C2: variants seen among roughly 807,000 people sequenced by gnomAD.
C2 encodes C3/C5 convertase.
Under a neutral mutation model 85.2 loss-of-function variants are expected in C2, and 64 were observed. That is an observed-to-expected ratio of 0.75 (90% confidence interval 0.61 to 0.92). The LOEUF is 0.92. Ranked by LOEUF, C2 falls within the 40% of genes least tolerant of loss-of-function variation. The probability of loss-of-function intolerance (pLI) is 0.00; values close to 1 mark genes in which losing one functional copy is unlikely to be tolerated. For missense variants in C2, 820 were observed against 971.6 expected (o/e 0.84, Z 2.07); for synonymous variants, 311 against 370.8 (o/e 0.84, Z 1.85).
upstream of C2, among the ~76,000 whole-genome samples, chr6:31,898,423 G>C (rs1766872414): frequency 1.3e-5 from 2 of 152,152 alleles, no homozygotes; most frequent in Admixed American, 1.3e-4. Flanking sequence ...CACCAAGATA[G>C]ACAATCTCGA....
At position 31,937,311 on chromosome 6, in the gene C2, T is replaced by A. The variant is rs1420053181; in HGVS notation, c.989-8T>A. ...TCTAAGAGAGTCCTTCCTTTTGGCA[T>A]ATTCCAGATCATGAAAATGGAACTG... On this transcript the variant is annotated splice_region_variant and splice_polypyrimidine_tract_variant and intron_variant, in intron 7 of 17. Coordinates refer to ENST00000299367, the MANE Select transcript of C2 (RefSeq NM_000063.6). The A allele has an allele frequency of 1.9e-6, 3 of 1,612,718 alleles. No individual in the cohort carries two copies. The African/African-American group carries it at 4.0e-5, about 22-fold the overall frequency.
At chr6:31,912,436 G>C (rs1768177447) in intron 1 of C2, among the ~76,000 whole-genome samples, 1 of 152,118 alleles carries the variant, frequency 6.6e-6, no homozygotes, top group African/African-American at 2.4e-5. Flanking sequence ...ATTTCAGTCT[G>C]TTCTATAAAC....
chr6:31,924,657 T>C (rs1769164027), upstream of C2, among the ~76,000 whole-genome samples: 1 of 152,232 alleles, frequency 6.6e-6, no homozygotes. Flanking sequence ...AGGCCCTTTC[T>C]TTTGAAGGCA....
chr6:31,900,468 A>G (rs773527188), upstream of C2: 2 of 1,597,578 alleles, frequency 1.3e-6, no homozygotes, highest in Non-Finnish European at 1.7e-6. This position sits in a 1 kb window ranked among gnomAD's most constrained non-coding sequence, Gnocchi z 9.7. Context: ...CCGGGAATCA[A>G]CAGCAGGCCC....
chr6:31,908,888 C>G (rs1482354632), intron 1 of C2, among the ~76,000 whole-genome samples: 1 of 151,998 alleles, frequency 6.6e-6, no homozygotes, highest in Non-Finnish European at 1.5e-5. Flanking sequence ...GACTACAGTA[C>G]AGTGTAAACA....
chr6:31,900,842 G>C (rs756578920), upstream of C2: 1 of 1,611,716 alleles, frequency 6.2e-7, no homozygotes, highest in East Asian at 2.2e-5. The surrounding 1 kb of genome is among the most constrained non-coding windows in gnomAD (Gnocchi z 9.7). Flanking sequence ...CCTGGCTGGA[G>C]GGAGGAGGGA....
chr6:31,909,567 A>G (rs1204810585), intron 1 of C2, among the ~76,000 whole-genome samples: 1 of 150,970 alleles, frequency 6.6e-6, no homozygotes. Context: ...TTGAGATTAT[A>G]GGCGTGAGCC....
upstream of C2, among the ~76,000 whole-genome samples, chr6:31,926,029 A>G (rs1217799177): frequency 6.6e-6 from 1 of 152,146 alleles, no homozygotes. Context: ...GAAAAGGCAC[A>G]CTGCCTTTTT....
At chr6:31,926,473 C>T (rs1015172219), upstream of C2, among the ~76,000 whole-genome samples, 1 of 151,116 alleles carries the variant, frequency 6.6e-6, no homozygotes, top group Non-Finnish European at 1.5e-5. Context: ...GCTGGGATTA[C>T]AGGCCCCTGC....
Position 31,936,027 on chromosome 6 carries a change from G to A in C2, c.954G>A (p.Glu318=), listed in dbSNP as rs9332739. The A allele has an allele frequency of 1.2e-6, 2 of 1,613,016 alleles. No individual in the cohort carries two copies. The highest frequency in any genetic ancestry group is 1.7e-5 in the Admixed American group (1 of 60,020). Reference sequence around the variant, plus strand: ...ACGACAACTCCCGGGATATGACTGAGGTGATCAGCAGCCTGGAAAATGCCA... The same window carrying A: ...ACGACAACTCCCGGGATATGACTGAAGTGATCAGCAGCCTGGAAAATGCCA... The part of the protein sequence containing the change: ...VLNDNSRDMT[E]VISSLENANY... Residue 318 remains glutamate, a synonymous_variant, in exon 7 of 18, where the codon GAG becomes GAA. Transcript: ENST00000299367.
intron 3 of C2, among the ~76,000 whole-genome samples, chr6:31,930,348 C>T (rs1428915705): frequency 6.6e-6 from 1 of 152,168 alleles, no homozygotes; most frequent in Non-Finnish European, 1.5e-5. Flanking sequence ...TCCCAAAGTG[C>T]TGGGATTACA....
chr6:31,914,756 C>CA (rs1165447019), intron 1 of C2, among the ~76,000 whole-genome samples: 5 of 150,816 alleles, frequency 3.3e-5, no homozygotes, highest in East Asian at 2.0e-4. Flanking sequence ...ACTAAAAATA[C>CA]AAAAAAATTA....
chr6:31,927,393 G>A, upstream of C2: 3 of 793,896 alleles, frequency 3.8e-6, no homozygotes, highest in Non-Finnish European at 5.3e-6. The surrounding 1 kb of genome is among the most constrained non-coding windows in gnomAD (Gnocchi z 4.7). Flanking sequence ...AGGTGCATGT[G>A]TGCACACACG....
rs758051400 is a variant in C2, at chr6:31,939,316, T to C, written c.1215T>C (p.Tyr405=). 4 of 1,610,600 alleles carry C rather than the reference T, an allele frequency of 2.5e-6. No homozygotes were observed. In the South Asian group the frequency reaches 4.4e-5, roughly 18 times the overall value. ...ACATCAACCAGAAGAGGAATGACTA[T>C]CTGGGTGAGCCCCTGCCACTGCCAC... ...ILNINQKRND[Y]LDIYAIGVGK... is the part of the protein sequence containing the mutation. Residue 405 remains tyrosine, a synonymous_variant, in exon 9 of 18, where the codon TAT becomes TAC. Transcript: ENST00000299367.
chr6:31,901,668 C>T (rs895072482), intron 1 of C2, among the ~76,000 whole-genome samples: 2 of 151,370 alleles, frequency 1.3e-5, no homozygotes. Context: ...TCTCACCCCG[C>T]CCCCTTTACC....
chr6:31,916,856 G>C (rs191796159), upstream of C2, among the ~76,000 whole-genome samples: 356 of 102,474 alleles, frequency 3.5e-3, 3 homozygotes, highest in African/African-American at 0.014. Flanking sequence ...GACAGGGCGA[G>C]ACTCCATCTC....
chr6:31,944,634 A>ACCT lies in C2; in HGVS notation c.1903-90_1903-88dup. The ACCT allele has an allele frequency of 2.1e-6, 3 of 1,411,766 alleles. No homozygotes were observed. The highest frequency in any genetic ancestry group is 3.0e-6 in the Non-Finnish European group (3 of 999,454). 87.5% of individuals were successfully genotyped at this position (1,411,766 alleles called of 1,614,324 possible). A position where few individuals can be genotyped will look rare whatever the true frequency, so the allele number is the denominator to read the frequency against. On this transcript the variant is annotated intron_variant, in intron 15 of 17. Coordinates refer to ENST00000299367, the MANE Select transcript of C2 (RefSeq NM_000063.6). The surrounding 1 kb of genome is among the most constrained non-coding windows in gnomAD (Gnocchi z 5.1). ...GACCTCAAGTGATCTGCCTGCCTCA[A>ACCT]CCTCCCAAAGTGCTGAGATTACAGG...
upstream of C2, among the ~76,000 whole-genome samples, chr6:31,919,478 A>G (rs1437185562): frequency 6.6e-6 from 1 of 152,118 alleles, no homozygotes; most frequent in Non-Finnish European, 1.5e-5. Flanking sequence ...AGTGAAAACT[A>G]CAAGGAGTAA....
In C2 at chr6:31,944,333, C is replaced by T. The variant is rs894433589; in HGVS notation, c.1902+107C>T. On this transcript the variant is annotated intron_variant, in intron 15 of 17. Coordinates refer to ENST00000299367, the MANE Select transcript of C2 (RefSeq NM_000063.6). The surrounding 1 kb of genome is among the most constrained non-coding windows in gnomAD (Gnocchi z 5.1). ...CTTTCTCTCTCTGACGCGGGTCACC[C>T]CTCCTCCCAAGCCTCACAAACCTGC... 3 of 812,224 alleles carry T rather than the reference C, an allele frequency of 3.7e-6. No homozygotes were observed. The African/African-American group carries it at 5.0e-5, about 14-fold the overall frequency. The allele number at this position is 812,224 out of a possible 1,614,324, so 50.3% of individuals were successfully genotyped here.
Sources: allele counts gnomAD v4.1 joint callset (sites outside exome capture counted in the v4.1 genomes callset), GRCh38; gene constraint gnomAD v4.1.1; non-coding constraint Gnocchi (gnomAD v3.1); transcripts MANE v1.5; gene names NCBI Gene and HGNC (gene_info 2026-07-23, HGNC 2026-07-21).